CEP128: variants seen among roughly 807,000 people sequenced by gnomAD.
CEP128 encodes centrosomal protein 128, also known as centrosomal protein 128kDa.
Under a neutral mutation model 156.7 loss-of-function variants are expected in CEP128, and 132 were observed. That is an observed-to-expected ratio of 0.84 (90% CI 0.73 to 0.97). The LOEUF is 0.97. CEP128 is among the 50% of genes least tolerant of loss of function. The pLI, the probability that CEP128 is intolerant of heterozygous loss-of-function variation, is 0.00. For synonymous variants in CEP128, 469 were observed against 448.9 expected, an observed-to-expected ratio of 1.04 and a Z score of -0.57; for missense variants, 1,252 against 1,281.9, an observed-to-expected ratio of 0.98 and a Z score of 0.36.
At chr14:80,655,163 C>CTAG (rs1309782890) in intron 19 of CEP128, among the ~76,000 whole-genome samples, 2 of 152,124 alleles carry the variant, frequency 1.3e-5, no homozygotes, top group African/African-American at 4.8e-5. Context: ...CTCTGACTGT[C>CTAG]AAACCCAGGC....
chr14:80,758,709 T>C (rs1595357678), intron 17 of CEP128, among the ~76,000 whole-genome samples: 5 of 152,272 alleles, frequency 3.3e-5, no homozygotes, highest in Admixed American at 3.3e-4. Context: ...AAGCCATATG[T>C]ATTTGTGAAC....
intron 19 of CEP128, among the ~76,000 whole-genome samples, chr14:80,718,620 A>T (rs752755482): frequency 1.9e-4 from 29 of 152,362 alleles, no homozygotes; most frequent in Middle Eastern, 3.4e-3. Flanking sequence ...ACTTAGTTTC[A>T]CGTGATCTTG....
intron 13 of CEP128, among the ~76,000 whole-genome samples, chr14:80,819,172 C>T (rs1453552812): frequency 2.0e-5 from 3 of 151,400 alleles, no homozygotes; most frequent in Admixed American, 6.6e-5. Flanking sequence ...CTTTGAGCTG[C>T]AGACCGACAA....
intron 19 of CEP128, among the ~76,000 whole-genome samples, chr14:80,693,627 A>G (rs547965336): frequency 8.5e-5 from 13 of 152,334 alleles, no homozygotes; most frequent in Admixed American, 2.0e-4. Context: ...ATTTTAAAAA[A>G]GAGAACAAAG....
At chr14:80,852,358 G>A (rs1886933517) in intron 9 of CEP128, among the ~76,000 whole-genome samples, 1 of 151,162 alleles carries the variant, frequency 6.6e-6, no homozygotes, top group African/African-American at 2.4e-5. Context: ...AAAAGATTTT[G>A]AAAAAAAATT....
At chr14:80,609,939 C>A (rs1450477141) in intron 19 of CEP128, among the ~76,000 whole-genome samples, 1 of 152,054 alleles carries the variant, frequency 6.6e-6, no homozygotes, top group East Asian at 1.9e-4. Context: ...GACTGCCCAT[C>A]TCTCAGGTAC....
At chr14:80,532,591 A>G (rs140817412) in intron 21 of CEP128, among the ~76,000 whole-genome samples, 76 of 152,238 alleles carry the variant, frequency 5.0e-4, no homozygotes, top group African/African-American at 1.7e-3. Flanking sequence ...GACACTTTCA[A>G]TGTACCCATC....
chr14:80,938,992 A>C (rs997329565), intron 2 of CEP128, among the ~76,000 whole-genome samples: 1 of 152,130 alleles, frequency 6.6e-6, no homozygotes, highest in Non-Finnish European at 1.5e-5. Flanking sequence ...AACAATGATC[A>C]CTCTTTTGGC....
At chr14:80,632,736 T>C (rs916072971) in intron 19 of CEP128, among the ~76,000 whole-genome samples, 1 of 152,144 alleles carries the variant, frequency 6.6e-6, no homozygotes, top group African/African-American at 2.4e-5. Context: ...CTTATGTGCA[T>C]ATCTCCTAGT....
At chr14:80,775,824 T>C (rs928762787) in intron 16 of CEP128, among the ~76,000 whole-genome samples, 2 of 152,206 alleles carry the variant, frequency 1.3e-5, no homozygotes, top group African/African-American at 2.4e-5. Context: ...TGAAGCAGCA[T>C]GTATTTTTTA....
At chr14:80,652,657 T>C (rs1057355216) in intron 19 of CEP128, among the ~76,000 whole-genome samples, 3 of 152,034 alleles carry the variant, frequency 2.0e-5, no homozygotes, top group Non-Finnish European at 2.9e-5. Context: ...TCACACCAGG[T>C]AGAATGTCAA....
intron 6 of CEP128, among the ~76,000 whole-genome samples, chr14:80,903,221 A>AT (rs1308689956): frequency 1.3e-5 from 2 of 152,154 alleles, no homozygotes; most frequent in Non-Finnish European, 2.9e-5. Flanking sequence ...CGGTCAACTG[A>AT]TTTTTTATGA....
chr14:80,944,124 C>T (rs1886270291), upstream of CEP128, among the ~76,000 whole-genome samples: 1 of 152,058 alleles, frequency 6.6e-6, no homozygotes. Flanking sequence ...ATGAAATTGT[C>T]TCATAACTCC....
intron 23 of CEP128, among the ~76,000 whole-genome samples, chr14:80,505,589 T>C (rs1041824195): frequency 1.3e-5 from 2 of 152,224 alleles, no homozygotes; most frequent in African/African-American, 4.8e-5. Flanking sequence ...TTCTAGATTA[T>C]ATTCGTCTTC....
chr14:80,543,284 C>T (rs751998042), intron 21 of CEP128, among the ~76,000 whole-genome samples: 4 of 152,304 alleles, frequency 2.6e-5, no homozygotes, highest in South Asian at 2.1e-4. Flanking sequence ...CCAAAGCAGA[C>T]GGAAGCAGAG....
Position 80,838,169 on chromosome 14 carries a change from G to A in CEP128, c.924+35C>T, listed in dbSNP as rs532016693. On this transcript the variant is annotated intron_variant, in intron 11 of 24. Transcript: ENST00000555265. ...TAGAGCTACTCAATCCTGATTTAATGTAAAAGTATATTATAATAACTTGCA... is the reference window on the plus strand; with the variant it reads ...TAGAGCTACTCAATCCTGATTTAATATAAAAGTATATTATAATAACTTGCA... 1.6e-5 allele frequency: 23 copies of A among 1,428,230 alleles called. No homozygotes were observed. The East Asian group carries it at 3.0e-4, about 18-fold the overall frequency. 88.5% of individuals were successfully genotyped at this position (1,428,230 alleles called of 1,614,324 possible).
At chr14:80,677,487 C>A (rs111956647) in intron 19 of CEP128, among the ~76,000 whole-genome samples, 1 of 118,996 alleles carries the variant, frequency 8.4e-6, no homozygotes, top group African/African-American at 3.1e-5. Context: ...CCAGCCTGGG[C>A]GACACAGCAA....
Position 80,734,482 on chromosome 14 carries a change from A to C in CEP128, c.2806+8593T>G, listed in dbSNP as rs559970075. Among the ~76,000 whole-genome samples the C allele has an allele frequency of 2.6e-5, 4 of 152,194 alleles. No homozygotes were observed. The South Asian group carries it at 8.3e-4, about 32-fold the overall frequency. ...AGTACCTACCTAGGAATTAAATAAA[A>C]TTATAAATTACTTAAAGCACTTAAA... On this transcript the variant is annotated intron_variant, in intron 19 of 24. Coordinates refer to ENST00000555265, the MANE Select transcript of CEP128 (RefSeq NM_152446.5).
chr14:80,925,462 C>T (rs551959469), intron 2 of CEP128, among the ~76,000 whole-genome samples: 1 of 152,296 alleles, frequency 6.6e-6, no homozygotes, highest in South Asian at 2.1e-4. Context: ...AATGAATTGC[C>T]TTTCAACTCC....
Sources: allele counts gnomAD v4.1 joint callset (sites outside exome capture counted in the v4.1 genomes callset), GRCh38; gene constraint gnomAD v4.1.1; transcripts MANE v1.5; gene names NCBI Gene and HGNC (gene_info 2026-07-23, HGNC 2026-07-21).